The following B3GLCT variants were observed in gnomAD, a reference collection of about 807,000 sequenced individuals.
The protein encoded by B3GLCT is beta 3-glucosyltransferase, also known as beta-1,3-glucosyltransferase.
B3GLCT carries 65 observed loss-of-function variants against 63.4 expected under a neutral mutation model. That is an observed-to-expected ratio of 1.03 (90% CI 0.84 to 1.26). B3GLCT has a LOEUF of 1.26. B3GLCT is among the 50% of genes most tolerant of loss of function. B3GLCT has a pLI of 0.00. For missense variants in B3GLCT, 577 were observed against 604.8 expected, an observed-to-expected ratio of 0.95 and a Z score of 0.48; for synonymous variants, 233 against 219.2, an observed-to-expected ratio of 1.06 and a Z score of -0.55.
chr13:31,236,557 G>T (rs543992163), intron 4 of B3GLCT, among the ~76,000 whole-genome samples: 1 of 152,274 alleles, frequency 6.6e-6, no homozygotes, highest in East Asian at 1.9e-4. Context: ...TACGAAGGTC[G>T]GTTATTGTTC....
intron 1 of B3GLCT, among the ~76,000 whole-genome samples, chr13:31,205,473 C>A (rs944255149): frequency 6.6e-6 from 1 of 152,028 alleles, no homozygotes; most frequent in Admixed American, 6.6e-5. Flanking sequence ...GCAGGACAAT[C>A]GCTTGAACCC....
chr13:31,287,204 C>G (rs760141228), intron 12 of B3GLCT, among the ~76,000 whole-genome samples: 1 of 152,050 alleles, frequency 6.6e-6, no homozygotes, highest in African/African-American at 2.4e-5. Context: ...GACAGAGTAC[C>G]AGAGAGGAGA....
intron 6 of B3GLCT, among the ~76,000 whole-genome samples, chr13:31,252,257 C>G (rs4941806): frequency 0.37 from 56,919 of 151,970 alleles, 11,389 homozygotes; most frequent in East Asian, 0.72. Flanking sequence ...CCAGCCACTG[C>G]CAAAACATAC....
At chr13:31,232,961 C>T (rs990716683) in intron 4 of B3GLCT, among the ~76,000 whole-genome samples, 3 of 152,192 alleles carry the variant, frequency 2.0e-5, no homozygotes, top group Admixed American at 6.5e-5. Context: ...TTGTATTTCT[C>T]CTACATACAG....
At chr13:31,240,685 A>G (rs1164035908) in intron 4 of B3GLCT, among the ~76,000 whole-genome samples, 1 of 152,140 alleles carries the variant, frequency 6.6e-6, no homozygotes, top group African/African-American at 2.4e-5. Context: ...TTATTGCCTC[A>G]GCTTTTTGAT....
chr13:31,327,348 G>A (rs912288200), intron 14 of B3GLCT, among the ~76,000 whole-genome samples: 2 of 152,190 alleles, frequency 1.3e-5, no homozygotes, highest in African/African-American at 4.8e-5. Context: ...GGCTTCTAGC[G>A]ACTCAGGGGC....
chr13:31,326,072 C>T lies in B3GLCT; in HGVS notation c.1329+2177C>T, dbSNP rs567113125. 6.8e-4 allele frequency among the ~76,000 whole-genome samples: 104 copies of T among 152,154 alleles called. 1 individual carries two copies. Among genetic ancestry groups the T allele is most frequent in the African/African-American group, 2.3e-3 (94 of 41,504 alleles). ...CAGTGTGCAATGATTGGTGGTTGCT[C>T]AACTCTGGAAATTTCCCGAAAAGTT... On this transcript the variant is annotated intron_variant, in intron 14 of 14. Transcript: ENST00000343307.
At chr13:31,278,401 C>T (rs1192967806) in intron 10 of B3GLCT, among the ~76,000 whole-genome samples, 2 of 152,008 alleles carry the variant, frequency 1.3e-5, no homozygotes, top group Non-Finnish European at 2.9e-5. Flanking sequence ...AATTTTGAGT[C>T]AAAAGTCTTT....
chr13:31,255,060 C>T (rs962517787), intron 6 of B3GLCT, among the ~76,000 whole-genome samples: 2 of 146,310 alleles, frequency 1.4e-5, no homozygotes, highest in African/African-American at 2.5e-5. Flanking sequence ...AAAAAGAAAA[C>T]CCCATCATCT....
chr13:31,301,468 T>TA (rs1199577671), intron 12 of B3GLCT, among the ~76,000 whole-genome samples: 1 of 152,266 alleles, frequency 6.6e-6, no homozygotes, highest in Non-Finnish European at 1.5e-5. Context: ...TCTCTTCCCA[T>TA]AATGCAGTCA....
chr13:31,253,319 C>T (rs763468058), intron 6 of B3GLCT, among the ~76,000 whole-genome samples: 9 of 151,900 alleles, frequency 5.9e-5, no homozygotes, highest in Non-Finnish European at 7.4e-5. Flanking sequence ...AGACCGGGTG[C>T]GGTGGCTCAT....
At chr13:31,289,714 G>C (rs1200771954) in intron 12 of B3GLCT, among the ~76,000 whole-genome samples, 1 of 152,102 alleles carries the variant, frequency 6.6e-6, no homozygotes, top group African/African-American at 2.4e-5. Flanking sequence ...AGGAAATGCT[G>C]AGGAAATTTG....
chr13:31,204,055 GC>G (rs1868814404), intron 1 of B3GLCT, among the ~76,000 whole-genome samples: 1 of 152,224 alleles, frequency 6.6e-6, no homozygotes. Flanking sequence ...GGAGCTTGCA[GC>G]CCGAAAGGCA....
intron 4 of B3GLCT, among the ~76,000 whole-genome samples, chr13:31,229,760 AG>A (rs1292429385): frequency 1.5e-4 from 23 of 150,532 alleles, no homozygotes; most frequent in Admixed American, 5.3e-4. Context: ...AAAAAAAAAA[AG>A]GAAAAAAACG....
At chr13:31,228,156 G>T (rs114756778) in intron 3 of B3GLCT, among the ~76,000 whole-genome samples, 1 of 152,182 alleles carries the variant, frequency 6.6e-6, no homozygotes, top group East Asian at 1.9e-4. Context: ...AGCATGGGGT[G>T]TTATAGATGG....
intron 12 of B3GLCT, among the ~76,000 whole-genome samples, chr13:31,289,402 TC>T (rs1873527877): frequency 6.6e-6 from 1 of 152,154 alleles, no homozygotes; most frequent in East Asian, 1.9e-4. Flanking sequence ...CCAGTGATCT[TC>T]ATGTAAATAC....
Position 31,326,156 on chromosome 13 carries a change from T to A in B3GLCT, c.1329+2261T>A, listed in dbSNP as rs567812864. The stretch of plus-strand genomic sequence containing the variant: ...GATGGAAATCATTTTTCAATACAGT[T>A]ATAGAAAGGCACTTGTCTAAGGAAA... On this transcript the variant is annotated intron_variant, in intron 14 of 14. Coordinates refer to ENST00000343307, the MANE Select transcript of B3GLCT (RefSeq NM_194318.4). Among the ~76,000 whole-genome samples the A allele has an allele frequency of 1.7e-3, 253 of 152,222 alleles. 2 individuals are homozygous for A. In the South Asian group the frequency reaches 0.02, roughly 12 times the overall value.
At chr13:31,239,950 A>C (rs1870845988) in intron 4 of B3GLCT, among the ~76,000 whole-genome samples, 1 of 152,194 alleles carries the variant, frequency 6.6e-6, no homozygotes, top group Non-Finnish European at 1.5e-5. Flanking sequence ...CCTCAGCACA[A>C]GGCCAGGGTC....
intron 2 of B3GLCT, among the ~76,000 whole-genome samples, chr13:31,220,851 T>C (rs1452057811): frequency 1.3e-5 from 2 of 152,262 alleles, no homozygotes; most frequent in African/African-American, 4.8e-5. Flanking sequence ...AGTTGGCTTT[T>C]CAGCTTCAGT....
Sources: allele counts gnomAD v4.1 joint callset (sites outside exome capture counted in the v4.1 genomes callset), GRCh38; gene constraint gnomAD v4.1.1; transcripts MANE v1.5; gene names NCBI Gene and HGNC (gene_info 2026-07-23, HGNC 2026-07-21).